Variants in NT5C3A observed in about 807,000 individuals in gnomAD.
NT5C3A encodes 5'-nucleotidase, cytosolic IIIA.
Under a neutral mutation model 40.0 loss-of-function variants are expected in NT5C3A, and 23 were observed. The ratio of observed to expected loss-of-function variants is 0.58; its 90% confidence interval spans 0.41 to 0.81. The LOEUF (loss-of-function observed/expected upper bound fraction) is 0.81. NT5C3A is among the 40% of genes least tolerant of loss of function. The pLI is 0.00. For missense variants in NT5C3A, 328 were observed against 403.0 expected, an observed-to-expected ratio of 0.81 and a Z score of 1.59; for synonymous variants, 130 against 141.4, an observed-to-expected ratio of 0.92 and a Z score of 0.57.
chr7:33,053,296 T>C (rs1488677272), intron 1 of NT5C3A, among the ~76,000 whole-genome samples: 1 of 152,110 alleles, frequency 6.6e-6, no homozygotes, highest in Non-Finnish European at 1.5e-5. Flanking sequence ...CAAGTAATTC[T>C]CCTGCCACAG....
At chr7:33,029,050 T>C (rs537936576) in intron 1 of NT5C3A, among the ~76,000 whole-genome samples, 29 of 151,860 alleles carry the variant, frequency 1.9e-4, no homozygotes, top group South Asian at 1.2e-3. Context: ...ATTTTCTCCA[T>C]GGATGAAAGA....
intron 1 of NT5C3A, chr7:33,041,132 C>A: frequency 1.0e-6 from 1 of 985,126 alleles, no homozygotes; most frequent in Non-Finnish European, 1.2e-6. Context: ...TAAATCTGTA[C>A]TATTAGAACT....
chr7:33,043,606 A>C (rs1426628814), intron 1 of NT5C3A, among the ~76,000 whole-genome samples: 2 of 152,220 alleles, frequency 1.3e-5, no homozygotes, highest in East Asian at 3.8e-4. Context: ...TATCTTATCA[A>C]GAGGAGTGTT....
At chr7:33,024,905 C>T (rs1220216549) in intron 2 of NT5C3A, among the ~76,000 whole-genome samples, 1 of 151,900 alleles carries the variant, frequency 6.6e-6, no homozygotes, top group Non-Finnish European at 1.5e-5. Flanking sequence ...TTTGGGAGGC[C>T]GAGGTGGGGA....
intron 3 of NT5C3A, chr7:33,023,585 G>A (rs4723235): frequency 0.72 from 133,707 of 185,900 alleles, 48,470 homozygotes; most frequent in African/African-American, 0.79. Flanking sequence ...ATTTACACAT[G>A]TACTAAAAGC....
At chr7:33,018,710 C>T (rs917336366) in intron 6 of NT5C3A, among the ~76,000 whole-genome samples, 6 of 151,802 alleles carry the variant, frequency 4.0e-5, no homozygotes, top group Admixed American at 6.6e-5. Context: ...ATTAGCCGGG[C>T]GTGGTGGCGG....
chr7:33,057,577 C>T (rs1257669655), intron 1 of NT5C3A, among the ~76,000 whole-genome samples: 3 of 151,926 alleles, frequency 2.0e-5, no homozygotes, highest in Admixed American at 2.0e-4. Flanking sequence ...ACACAGTATG[C>T]TAAAGTTTTA....
chr7:33,029,535 C>T, intron 1 of NT5C3A: 1 of 596,626 alleles, frequency 1.7e-6, no homozygotes, highest in South Asian at 1.5e-5. Context: ...ATAACCAATC[C>T]ATTATGGTGA....
In NT5C3A at chr7:33,014,438, G is replaced by T. The variant is rs112776924; in HGVS notation, c.*292C>A. 9 of 481,990 alleles carry T rather than the reference G, an allele frequency of 1.9e-5. No homozygotes were observed. Among genetic ancestry groups the T allele is most frequent in the African/African-American group, 7.8e-5 (4 of 51,342 alleles). 29.9% of individuals were successfully genotyped at this position (481,990 alleles called of 1,614,324 possible). A position where few individuals can be genotyped will look rare whatever the true frequency, so the allele number is the denominator to read the frequency against. ...CAGTGTAAAAGACTCCTCAAAAGCT[G>T]CATGATAACATTAAACTACAAAATT... On this transcript the variant is annotated 3_prime_UTR_variant, in exon 9 of 9. Coordinates refer to ENST00000610140, the MANE Select transcript of NT5C3A (RefSeq NM_001002010.5).
At chr7:33,053,238 A>G (rs1171500562) in intron 1 of NT5C3A, among the ~76,000 whole-genome samples, 1 of 152,018 alleles carries the variant, frequency 6.6e-6, no homozygotes, top group Non-Finnish European at 1.5e-5. Flanking sequence ...CCAGAGCTGG[A>G]GTGCAATGGT....
In NT5C3A at chr7:33,015,710, T is replaced by A. The variant is rs757207292; in HGVS notation, c.854A>T (p.Asn285Ile). Residue 285 changes from asparagine to isoleucine, a missense_variant, in exon 8 of 9, where the codon AAT (asparagine) becomes ATT (isoleucine). Physicochemically the swap from Asn to Ile is moderately radical, Grantham distance 149. This residue lies in a region of NT5C3A where 36 missense variants were observed against 51.1 expected (regional missense o/e 0.70). Transcript: ENST00000610140. The stretch of plus-strand genomic sequence containing the variant: ...TCCAATTTTCAGAATGTGCTCAACA[T>A]TGGCCACTCCATCTGCCATTCTTAA... ...GDLRMADGVA[N>I]VEHILKIGYL... is the part of the protein sequence containing the mutation. 1 of 1,611,126 alleles carries A rather than the reference T, an allele frequency of 6.2e-7. No individual in the cohort carries two copies. Among genetic ancestry groups the A allele is most frequent in the Non-Finnish European group, 8.5e-7 (1 of 1,177,648 alleles).
intron 1 of NT5C3A, among the ~76,000 whole-genome samples, chr7:33,044,671 T>C (rs957855394): frequency 2.0e-5 from 3 of 152,184 alleles, no homozygotes; most frequent in African/African-American, 7.2e-5. Context: ...TGGATGTCTT[T>C]ATCAATGGAA....
At chr7:33,061,992 G>A (rs1261108395) in intron 1 of NT5C3A, among the ~76,000 whole-genome samples, 1 of 152,214 alleles carries the variant, frequency 6.6e-6, no homozygotes, top group East Asian at 1.9e-4. Context: ...GGAGTTTTGA[G>A]ACAAGAAGGA....
chr7:33,017,381 T>C (rs1785391750), intron 7 of NT5C3A, 58 bp downstream of exon 7: 1 of 1,354,156 alleles, frequency 7.4e-7, no homozygotes, highest in Admixed American at 1.8e-5. Flanking sequence ...TAAATAAATT[T>C]ACATGATTAA....
intron 5 of NT5C3A, among the ~76,000 whole-genome samples, chr7:33,020,853 G>A (rs146689347): frequency 0.01 from 730 of 69,822 alleles, 7 homozygotes; most frequent in African/African-American, 0.037. Context: ...TGCTTTCAGT[G>A]TGATCTGCCT....
chr7:33,051,911 C>T (rs920882181), intron 1 of NT5C3A, among the ~76,000 whole-genome samples: 3 of 151,938 alleles, frequency 2.0e-5, no homozygotes, highest in Non-Finnish European at 2.9e-5. Context: ...TTTAAAAAAC[C>T]GATTTAAAAA....
intron 1 of NT5C3A, chr7:33,029,584 C>T: frequency 1.8e-6 from 2 of 1,100,776 alleles, no homozygotes; most frequent in Non-Finnish European, 1.2e-6. Flanking sequence ...ATTTTTTCAC[C>T]AAAAAAATTA....
intron 1 of NT5C3A, chr7:33,029,464 T>A: frequency 2.7e-6 from 1 of 364,918 alleles, no homozygotes; most frequent in Admixed American, 3.6e-5. Flanking sequence ...TGACAACTAA[T>A]TTCTGTTCTT....
At chr7:33,024,835 G>A (rs748288980) in intron 2 of NT5C3A, among the ~76,000 whole-genome samples, 12 of 151,746 alleles carry the variant, frequency 7.9e-5, no homozygotes, top group Non-Finnish European at 1.8e-4. Flanking sequence ...ATTATGTATC[G>A]ACTTTAAAAA....
Sources: gnomAD v4.1 joint callset for allele counts (sites outside exome capture counted in the v4.1 genomes callset) on GRCh38, gnomAD v4.1.1 for gene constraint, gnomAD v4.1.1 regional missense constraint, MANE v1.5 for transcripts, NCBI Gene and HGNC (gene_info 2026-07-23, HGNC 2026-07-21) for gene names.